Variants in AKNA observed in about 807,000 individuals in gnomAD.
AKNA encodes the protein microtubule organization protein AKNA.
A neutral mutation model predicts 138.8 loss-of-function variants in AKNA; 67 were observed. The ratio of observed to expected loss-of-function variants is 0.48; its 90% CI spans 0.40 to 0.59. The LOEUF (loss-of-function observed/expected upper bound fraction) is 0.59. Among genes scored for constraint, AKNA ranks in the 20% least tolerant of loss-of-function variants. The pLI is 0.00. For missense variants in AKNA, 1,813 were observed against 1,880.4 expected, an observed-to-expected ratio of 0.96 and a Z score of 0.66; for synonymous variants, 737 against 754.4, an observed-to-expected ratio of 0.98 and a Z score of 0.38.
At chr9:114,395,772 C>T (rs574174352), upstream of AKNA, among the ~76,000 whole-genome samples, 22 of 150,972 alleles carry the variant, frequency 1.5e-4, no homozygotes, top group Admixed American at 1.2e-3. Context: ...TAAGAAAAAG[C>T]CCTGATTTGT....
At position 114,382,798 on chromosome 9, in the gene AKNA, C is replaced by G. The variant is rs118095606; in HGVS notation, c.-113-1352G>C. Among the ~76,000 whole-genome samples the G allele has an allele frequency of 9.9e-5, 15 of 152,128 alleles. No homozygotes were observed. The East Asian group carries it at 2.9e-3, about 29-fold the overall frequency. On this transcript the variant is annotated intron_variant, in intron 1 of 21. Transcript: ENST00000374088. ...AAGGTAACTCCTTGGAGAGTGAAAG[C>G]AGGCTGGTATTTGCCAGGGGCTGGG...
At chr9:114,350,487 A>G (rs564592928) in intron 15 of AKNA, among the ~76,000 whole-genome samples, 114 of 152,342 alleles carry the variant, frequency 7.5e-4, no homozygotes, top group African/African-American at 2.5e-3. Context: ...AAAAAAAGAA[A>G]AGAAAAACTC....
chr9:114,361,923 A>C lies in AKNA; in HGVS notation c.1917-12T>G, dbSNP rs1359718948. 2.5e-6 allele frequency: 4 copies of C among 1,599,972 alleles called. No individual in the cohort carries two copies. The highest frequency in any genetic ancestry group is 3.4e-6 in the Non-Finnish European group (4 of 1,179,812). ...CTGCCTCCAGCTCCCTGGAATGCAG[A>C]AACATTACCACCAGGAGCCCAAGAT... On this transcript the variant is annotated splice_polypyrimidine_tract_variant and intron_variant, in intron 8 of 21. Coordinates refer to ENST00000374088, the MANE Select transcript of AKNA (RefSeq NM_001317950.2).
chr9:114,353,095 A>C (rs1257461971), intron 14 of AKNA, among the ~76,000 whole-genome samples: 2 of 152,086 alleles, frequency 1.3e-5, no homozygotes, highest in African/African-American at 4.8e-5. Context: ...TCATCAATTT[A>C]AGTTCTTTTT....
Position 114,336,852 on chromosome 9 carries a change from A to C in AKNA, c.*202T>G. 1.8e-6 allele frequency: 1 copy of C among 560,986 alleles called. No individual in the cohort carries two copies. The highest frequency in any genetic ancestry group is 2.8e-6 in the Non-Finnish European group (1 of 352,864). The allele number at this position is 560,986 out of a possible 1,614,324, so 34.8% of individuals were successfully genotyped here. On this transcript the variant is annotated 3_prime_UTR_variant, in exon 22 of 22. Coordinates refer to ENST00000374088, the MANE Select transcript of AKNA (RefSeq NM_001317950.2). The stretch of plus-strand genomic sequence containing the variant: ...TGTGAGGGGACTGGTGCTCCTGGGA[A>C]GTCACTTCTCTTGGTGACCGAGCTG...
chr9:114,385,027 T>A (rs1373102202), intron 1 of AKNA, among the ~76,000 whole-genome samples: 2 of 151,966 alleles, frequency 1.3e-5, no homozygotes, highest in African/African-American at 4.8e-5. Context: ...TTTTAAAAAT[T>A]TTTTTTTGTC....
intron 11 of AKNA, among the ~76,000 whole-genome samples, chr9:114,358,654 G>T (rs1831683503): frequency 6.6e-6 from 1 of 151,448 alleles, no homozygotes; most frequent in South Asian, 2.1e-4. Flanking sequence ...CTCTCATACT[G>T]TCTCTCTCTC....
chr9:114,368,004 C>T (rs1263571518), intron 5 of AKNA, among the ~76,000 whole-genome samples: 2 of 152,254 alleles, frequency 1.3e-5, no homozygotes. Context: ...CCAGACACTT[C>T]CCCTCCATAG....
upstream of AKNA, among the ~76,000 whole-genome samples, chr9:114,397,522 C>T (rs777168333): frequency 4.6e-5 from 7 of 152,176 alleles, no homozygotes; most frequent in African/African-American, 1.2e-4. Context: ...TTTTCCCTTC[C>T]GACTATCTCA....
At chr9:114,376,336 C>G (rs1452607523) in intron 3 of AKNA, 130 bp downstream of exon 3, 2 of 962,238 alleles carry the variant, frequency 2.1e-6, no homozygotes, top group Admixed American at 4.0e-5. Context: ...GCTTCCCACC[C>G]CAGCCAGGCT....
chr9:114,381,397 C>T lies in AKNA; in HGVS notation c.-64G>A. The T allele has an allele frequency of 3.4e-6, 5 of 1,461,248 alleles. No homozygotes were observed. The South Asian group carries it at 4.3e-5, about 13-fold the overall frequency. The allele number at this position is 1,461,248 out of a possible 1,614,324, so 90.5% of individuals were successfully genotyped here. ...CAGGAGACAGAGCTGCTGCCAGGGG[C>T]CCCAGAGTCACCGCTGGTTCCTGTC... On this transcript the variant is annotated 5_prime_UTR_variant, in exon 2 of 22. Transcript: ENST00000374088.
chr9:114,380,498 AGTGGTTAT>A (rs1833560433), intron 2 of AKNA, among the ~76,000 whole-genome samples: 1 of 152,220 alleles, frequency 6.6e-6, no homozygotes, highest in Non-Finnish European at 1.5e-5. Context: ...TATGGAAAAC[AGTGGTTAT>A]CAGGGGATGG....
rs558256843 is a variant in AKNA at position 114,376,785 on chromosome 9, C to T, written c.1022G>A (p.Arg341His). 6 of 1,611,846 alleles carry T rather than the reference C, an allele frequency of 3.7e-6. No homozygotes were observed. Among genetic ancestry groups the T allele is most frequent in the East Asian group, 2.2e-5 (1 of 44,826 alleles). Residue 341 changes from arginine (R) to histidine (H), a missense_variant, in exon 3 of 22, where the codon CGC becomes CAC. Transcript: ENST00000374088. ...ATACTTGGGGGCATTAGAAGAGGAGCGGCCAGCCAGAGTGGCTCCCTGTCT... is the reference window on the plus strand; with the variant it reads ...ATACTTGGGGGCATTAGAAGAGGAGTGGCCAGCCAGAGTGGCTCCCTGTCT... ...LPRQGATLAG[R>H]SSSNAPKYGR...
intron 3 of AKNA, among the ~76,000 whole-genome samples, chr9:114,375,036 C>T (rs1359973132): frequency 1.3e-5 from 2 of 152,194 alleles, no homozygotes. Flanking sequence ...TCAAAATCAC[C>T]AACAAGAGAG....
At chr9:114,346,985 G>C (rs763492469) in intron 16 of AKNA, among the ~76,000 whole-genome samples, 3 of 152,210 alleles carry the variant, frequency 2.0e-5, no homozygotes, top group Admixed American at 6.5e-5. Context: ...CATCTGTCAA[G>C]TGGGGATAAT....
At chr9:114,343,592 C>G (rs941658594) in intron 19 of AKNA, 116 bp downstream of exon 19, 12 of 1,070,060 alleles carry the variant, frequency 1.1e-5, no homozygotes, top group African/African-American at 1.6e-5. Flanking sequence ...TGGTCTGTCC[C>G]TATAACCCAC....
chr9:114,384,159 C>A (rs964720925), intron 1 of AKNA, among the ~76,000 whole-genome samples: 2 of 152,156 alleles, frequency 1.3e-5, no homozygotes, highest in Non-Finnish European at 2.9e-5. Context: ...CTAGTGGTAC[C>A]CCAATATTTT....
intron 7 of AKNA, among the ~76,000 whole-genome samples, chr9:114,362,830 A>G (rs894909217): frequency 1.3e-5 from 2 of 152,208 alleles, no homozygotes; most frequent in Non-Finnish European, 1.5e-5. Flanking sequence ...AATGTACCAC[A>G]AACTGTCATA....
At chr9:114,350,524 C>T (rs1564624240) in intron 15 of AKNA, among the ~76,000 whole-genome samples, 2 of 152,182 alleles carry the variant, frequency 1.3e-5, no homozygotes, top group Non-Finnish European at 2.9e-5. Flanking sequence ...TTGGTCCATA[C>T]AATCAATGGT....
Sources: allele counts gnomAD v4.1 joint callset (sites outside exome capture counted in the v4.1 genomes callset), GRCh38; gene constraint gnomAD v4.1.1; transcripts MANE v1.5; gene names NCBI Gene and HGNC (gene_info 2026-07-23, HGNC 2026-07-21).